ATXN7L1: variants seen among roughly 807,000 people sequenced by gnomAD.
ATXN7L1 encodes the protein ataxin 7 like 1, also known as ataxin-7-like protein 1.
A neutral mutation model predicts 70.8 loss-of-function variants in ATXN7L1; 15 were observed. The observed-to-expected ratio is 0.21, with a 90% CI of 0.14 to 0.33. The LOEUF is 0.33. ATXN7L1 is among the 10% of genes least tolerant of loss of function. The pLI is 1.00. For synonymous variants in ATXN7L1, 440 were observed against 445.1 expected (o/e 0.99, Z 0.14); for missense variants, 975 against 1,097.1 (o/e 0.89, Z 1.57).
In ATXN7L1 at chr7:105,638,501, C is replaced by G; in HGVS notation, c.1054G>C (p.Glu352Gln). 6.4e-7 allele frequency: 1 copy of G among 1,552,310 alleles called. No individual in the cohort carries two copies. The highest frequency in any genetic ancestry group is 1.2e-5 in the South Asian group (1 of 84,060). Reference sequence around the variant, plus strand: ...TCCCTCGTGGAAGTCAGGAGATGCTCTTTATCTTTAACTTCTTTTTCCCGG... The same window carrying G: ...TCCCTCGTGGAAGTCAGGAGATGCTGTTTATCTTTAACTTCTTTTTCCCGG... The part of the protein sequence containing the change: ...KSREKEVKDK[E>Q]HLLTSTREIL... The change falls in exon 7 of 12, where the codon GAG (glutamate) becomes CAG (glutamine). Residue 352 changes from glutamate to glutamine, a missense_variant. Physicochemically the swap from Glu to Gln is conservative, Grantham distance 29. Coordinates refer to ENST00000419735, the MANE Select transcript of ATXN7L1 (RefSeq NM_020725.2).
intron 10 of ATXN7L1, 115 bp downstream of exon 10, chr7:105,613,747 C>T (rs982609047): frequency 2.0e-5 from 30 of 1,525,554 alleles, no homozygotes; most frequent in East Asian, 4.9e-5. Context: ...TCGGGGAAAA[C>T]GAGAACAGGA....
chr7:105,769,373 G>C (rs1044643392), intron 3 of ATXN7L1, among the ~76,000 whole-genome samples: 2 of 152,090 alleles, frequency 1.3e-5, no homozygotes, highest in Non-Finnish European at 2.9e-5. Context: ...AACAGGCGAC[G>C]GCACACTATT....
At chr7:105,798,148 G>C (rs1409141853) in intron 2 of ATXN7L1, among the ~76,000 whole-genome samples, 1 of 152,162 alleles carries the variant, frequency 6.6e-6, no homozygotes, top group Non-Finnish European at 1.5e-5. Flanking sequence ...GGAATCTAAG[G>C]CATGATCCAG....
At chr7:105,754,528 A>G (rs910302240) in intron 3 of ATXN7L1, among the ~76,000 whole-genome samples, 1 of 152,064 alleles carries the variant, frequency 6.6e-6, no homozygotes, top group Admixed American at 6.6e-5. Flanking sequence ...GCTGCCTTCC[A>G]TAGCTCATCG....
chr7:105,637,595 T>A (rs367679507), intron 7 of ATXN7L1, among the ~76,000 whole-genome samples: 1 of 152,182 alleles, frequency 6.6e-6, no homozygotes, highest in South Asian at 2.1e-4. Flanking sequence ...TCAATAAATA[T>A]TTTTGAATAA....
At chr7:105,828,569 G>C (rs1441232401) in intron 2 of ATXN7L1, among the ~76,000 whole-genome samples, 2 of 152,216 alleles carry the variant, frequency 1.3e-5, no homozygotes, top group East Asian at 3.8e-4. Flanking sequence ...AGGCAACAAA[G>C]AGAAATAATG....
chr7:105,731,748 AAAAAGAAAAGAAAAG>A (rs534062694), intron 3 of ATXN7L1, among the ~76,000 whole-genome samples: 56 of 106,990 alleles, frequency 5.2e-4, no homozygotes, highest in Non-Finnish European at 8.0e-4. Flanking sequence ...CTTACTCCTT[AAAAAGAAAAGAAAAG>A]AAAAGAAAAG....
intron 3 of ATXN7L1, among the ~76,000 whole-genome samples, chr7:105,729,373 C>T (rs192782101): frequency 6.7e-6 from 1 of 150,082 alleles, no homozygotes; most frequent in Non-Finnish European, 1.5e-5. Flanking sequence ...CAGAAAAATT[C>T]CAAATAATAT....
chr7:105,681,557 G>A (rs924622733), intron 3 of ATXN7L1, among the ~76,000 whole-genome samples: 2 of 152,072 alleles, frequency 1.3e-5, no homozygotes, highest in African/African-American at 4.8e-5. Flanking sequence ...TATCACTTCT[G>A]GATATATATG....
At chr7:105,631,769 T>C (rs1200152338) in intron 7 of ATXN7L1, among the ~76,000 whole-genome samples, 1 of 152,192 alleles carries the variant, frequency 6.6e-6, no homozygotes, top group Non-Finnish European at 1.5e-5. Context: ...ACCTGGCCAA[T>C]GACAATAAAC....
intron 3 of ATXN7L1, among the ~76,000 whole-genome samples, chr7:105,704,753 G>A (rs2116248046): frequency 6.6e-6 from 1 of 151,886 alleles, no homozygotes; most frequent in African/African-American, 2.4e-5. Context: ...TGGGACTACA[G>A]GCATGTGCCA....
chr7:105,710,075 C>G (rs907981893), intron 3 of ATXN7L1, among the ~76,000 whole-genome samples: 1 of 152,032 alleles, frequency 6.6e-6, no homozygotes, highest in Non-Finnish European at 1.5e-5. Flanking sequence ...GTCTTGAACT[C>G]CTGGACTCAA....
At chr7:105,858,903 A>T (rs972334373) in intron 2 of ATXN7L1, among the ~76,000 whole-genome samples, 7 of 151,934 alleles carry the variant, frequency 4.6e-5, no homozygotes, top group Admixed American at 3.3e-4. Context: ...ATACATATAT[A>T]TAGAAATATG....
chr7:105,840,091 G>A (rs891313600), intron 2 of ATXN7L1, among the ~76,000 whole-genome samples: 12 of 152,192 alleles, frequency 7.9e-5, no homozygotes, highest in African/African-American at 2.7e-4. Context: ...AGAGCACAGG[G>A]ACTCTGCCGG....
chr7:105,875,626 T>TTCC (rs146310508), intron 2 of ATXN7L1, among the ~76,000 whole-genome samples, 186 bp downstream of exon 2: 81 of 59,476 alleles, frequency 1.4e-3, no homozygotes, highest in Middle Eastern at 8.1e-3. Context: ...CACCCCCCTT[T>TTCC]ACCCCCCCCC....
intron 8 of ATXN7L1, among the ~76,000 whole-genome samples, chr7:105,622,271 A>G (rs917623139): frequency 1.3e-5 from 2 of 152,236 alleles, no homozygotes; most frequent in African/African-American, 4.8e-5. Flanking sequence ...GCAGCCTGGC[A>G]GGTTGTCATC....
At chr7:105,669,129 C>G (rs370014506) in intron 3 of ATXN7L1, among the ~76,000 whole-genome samples, 1 of 152,138 alleles carries the variant, frequency 6.6e-6, no homozygotes, top group African/African-American at 2.4e-5. Context: ...GTTGTCCAGG[C>G]TAGAGTCCAG....
chr7:105,704,958 C>T (rs545350561), intron 3 of ATXN7L1, among the ~76,000 whole-genome samples: 1 of 152,234 alleles, frequency 6.6e-6, no homozygotes, highest in Admixed American at 6.5e-5. Context: ...GCACACTCTC[C>T]TGTGCTGTGC....
chr7:105,677,906 A>G (rs1023963654), intron 3 of ATXN7L1: 1 of 976,948 alleles, frequency 1.0e-6, no homozygotes, highest in South Asian at 4.7e-5. Context: ...AAAAGTCTCC[A>G]CTCACTGCTA....
Sources: gnomAD v4.1 joint callset for allele counts (sites outside exome capture counted in the v4.1 genomes callset) on GRCh38, gnomAD v4.1.1 for gene constraint, MANE v1.5 for transcripts, NCBI Gene and HGNC (gene_info 2026-07-23, HGNC 2026-07-21) for gene names.